The following ZFP90 variants were observed in gnomAD, a reference collection of about 807,000 sequenced individuals.
The protein encoded by ZFP90 is ZFP90 zinc finger protein, also known as zinc finger protein 90 homolog.
Under a neutral mutation model 60.8 loss-of-function variants are expected in ZFP90, and 38 were observed. The observed-to-expected ratio is 0.62, with a 90% CI of 0.48 to 0.82. The LOEUF is 0.82. Ranked by LOEUF, ZFP90 falls within the 40% of genes least tolerant of loss-of-function variation. The pLI is 0.00. For missense variants in ZFP90, 711 were observed against 759.1 expected (o/e 0.94, Z 0.74); for synonymous variants, 287 against 264.8 (o/e 1.08, Z -0.82).
chr16:68,566,226 T>C lies in ZFP90; in HGVS notation c.*1528T>C. On this transcript the variant is annotated 3_prime_UTR_variant, in exon 5 of 5. Coordinates refer to ENST00000563169, the MANE Select transcript of ZFP90 (RefSeq NM_001305203.2). ...CCATCCCCTAATGACTCCCATGGGC[T>C]ATCCTAAAGGAACTTCCAGAACCTT... 1 of 985,628 alleles carries C rather than the reference T, an allele frequency of 1.0e-6. No individual in the cohort carries two copies. The highest frequency in any genetic ancestry group is 1.2e-6 in the Non-Finnish European group (1 of 829,970). The allele number at this position is 985,628 out of a possible 1,614,324, so 61.1% of individuals were successfully genotyped here.
chr16:68,563,921 T>C lies in ZFP90; in HGVS notation c.1134T>C (p.Cys378=). 6.2e-7 allele frequency: 1 copy of C among 1,614,108 alleles called. No individual in the cohort carries two copies. Among genetic ancestry groups the C allele is most frequent in the East Asian group, 2.2e-5 (1 of 44,870 alleles). ...AATGTGGGAAAGCCTTTAGTCGATG[T>C]TCTTCCCTTGTCCAACATGAGAGGA... The part of the protein sequence containing the change: ...CKECGKAFSR[C]SSLVQHERTH... The change falls in exon 5 of 5, where the codon TGT becomes TGC. Residue 378 remains cysteine, a synonymous_variant. Coordinates refer to ENST00000563169, the MANE Select transcript of ZFP90 (RefSeq NM_001305203.2).
At chr16:68,569,713 C>T (rs933867174), downstream of ZFP90, among the ~76,000 whole-genome samples, 1 of 151,722 alleles carries the variant, frequency 6.6e-6, no homozygotes. Context: ...CCAGTCTGGG[C>T]AACATGGCAA....
downstream of ZFP90, among the ~76,000 whole-genome samples, chr16:68,568,879 A>G (rs954043957): frequency 2.6e-5 from 4 of 152,144 alleles, no homozygotes; most frequent in African/African-American, 7.2e-5. Context: ...AGTTTTCGCT[A>G]TGTTGGCCAG....
intron 2 of ZFP90, among the ~76,000 whole-genome samples, chr16:68,547,822 T>C (rs1407467066): frequency 2.1e-5 from 3 of 142,148 alleles, no homozygotes; most frequent in Non-Finnish European, 4.5e-5. Flanking sequence ...TTTTTCAAAA[T>C]ACAGTTGATC....
chr16:68,546,645 G>A (rs1259322921), intron 2 of ZFP90, among the ~76,000 whole-genome samples: 1 of 152,118 alleles, frequency 6.6e-6, no homozygotes, highest in East Asian at 1.9e-4. Context: ...CCTGAGAACT[G>A]GGACTACAGG....
upstream of ZFP90, chr16:68,535,399 C>T (rs2090952875): frequency 6.6e-6 from 1 of 152,040 alleles, no homozygotes; most frequent in Admixed American, 6.6e-5. Flanking sequence ...CTATGGAGTC[C>T]CAATTTTTAC....
At chr16:68,552,620 T>A (rs1420031158) in intron 2 of ZFP90, among the ~76,000 whole-genome samples, 1 of 152,110 alleles carries the variant, frequency 6.6e-6, no homozygotes, top group Non-Finnish European at 1.5e-5. Context: ...GAGCTGTAAC[T>A]CTTCTGCATG....
rs934157204 is a variant in ZFP90 at position 68,566,988 on chromosome 16, A to G, written c.*2290A>G. 1 of 985,508 alleles carries G rather than the reference A, an allele frequency of 1.0e-6. No homozygotes were observed. Among genetic ancestry groups the G allele is most frequent in the South Asian group, 4.7e-5 (1 of 21,292 alleles). 61.0% of individuals were successfully genotyped at this position (985,508 alleles called of 1,614,324 possible). On this transcript the variant is annotated 3_prime_UTR_variant, in exon 5 of 5. Coordinates refer to ENST00000563169, the MANE Select transcript of ZFP90 (RefSeq NM_001305203.2). ...TTGACAGGGAGGGAGCCCAGGACAT[A>G]TGTGTGGCTCATTGACCAGAAGGCT...
At chr16:68,568,209 C>G (rs754789590), downstream of ZFP90, among the ~76,000 whole-genome samples, 7 of 152,114 alleles carry the variant, frequency 4.6e-5, no homozygotes, top group African/African-American at 7.2e-5. Flanking sequence ...TATTACCCTG[C>G]TAATTAATGC....
chr16:68,572,482 G>GGT (rs933882148), intron 2 of ZFP90, among the ~76,000 whole-genome samples: 33 of 152,178 alleles, frequency 2.2e-4, no homozygotes, highest in African/African-American at 7.7e-4. Context: ...CTTTCTAAAG[G>GGT]GTGTCACAGA....
At chr16:68,555,355 G>A (rs1008144434) in intron 2 of ZFP90, 28 of 152,126 alleles carry the variant, frequency 1.8e-4, no homozygotes, top group African/African-American at 5.3e-4. Flanking sequence ...AATGGCCCCA[G>A]TTTCATCCCT....
At chr16:68,553,205 G>T (rs1408359202) in intron 2 of ZFP90, among the ~76,000 whole-genome samples, 1 of 152,182 alleles carries the variant, frequency 6.6e-6, no homozygotes. Flanking sequence ...TGATATGTCA[G>T]GTGGCAAAGG....
chr16:68,538,675 C>A (rs1369739362), upstream of ZFP90, among the ~76,000 whole-genome samples: 1 of 147,870 alleles, frequency 6.8e-6, no homozygotes, highest in Non-Finnish European at 1.5e-5. Context: ...CATTGCACTC[C>A]AACCTAGGCA....
At chr16:68,561,245 G>C (rs1200748337) in intron 4 of ZFP90, among the ~76,000 whole-genome samples, 2 of 152,220 alleles carry the variant, frequency 1.3e-5, no homozygotes, top group East Asian at 3.9e-4. Context: ...ATTACTCTCT[G>C]TACTTTACTA....
chr16:68,538,547 C>T (rs1202505892), upstream of ZFP90, among the ~76,000 whole-genome samples: 1 of 151,974 alleles, frequency 6.6e-6, no homozygotes, highest in East Asian at 1.9e-4. Flanking sequence ...ACTAAATATA[C>T]AAAATTAGAC....
chr16:68,542,861 C>T (rs916722171), intron 2 of ZFP90, among the ~76,000 whole-genome samples: 4 of 152,166 alleles, frequency 2.6e-5, no homozygotes, highest in African/African-American at 4.8e-5. Flanking sequence ...CTTTTCTAGG[C>T]AGTTGGGATA....
At chr16:68,567,192 C>G, downstream of ZFP90, 1 of 981,930 alleles carries the variant, frequency 1.0e-6, no homozygotes, top group Non-Finnish European at 1.2e-6. Flanking sequence ...AGTGGTGCAC[C>G]AAGAGGGAGG....
chr16:68,551,697 C>A (rs568184873), intron 2 of ZFP90, among the ~76,000 whole-genome samples: 1 of 152,020 alleles, frequency 6.6e-6, no homozygotes, highest in South Asian at 2.1e-4. Context: ...AGGCATGAGC[C>A]ACTGCACCTG....
At chr16:68,561,677 A>C (rs2091441228) in intron 4 of ZFP90, among the ~76,000 whole-genome samples, 1 of 152,206 alleles carries the variant, frequency 6.6e-6, no homozygotes, top group South Asian at 2.1e-4. Flanking sequence ...ATCAGAACAT[A>C]CTTGACTGAT....
Sources: allele counts gnomAD v4.1 joint callset (sites outside exome capture counted in the v4.1 genomes callset), GRCh38; gene constraint gnomAD v4.1.1; transcripts MANE v1.5; gene names NCBI Gene and HGNC (gene_info 2026-07-23, HGNC 2026-07-21).